Variants in PPARGC1B observed in about 807,000 individuals in gnomAD.
PPARGC1B encodes the protein PPARG coactivator 1 beta, also known as peroxisome proliferator-activated receptor gamma coactivator 1-beta.
Under a neutral mutation model 101.6 loss-of-function variants are expected in PPARGC1B, and 34 were observed. The observed-to-expected ratio is 0.33, with a 90% CI of 0.25 to 0.45. PPARGC1B has a LOEUF of 0.45. Ranked by LOEUF, PPARGC1B falls within the 20% of genes least tolerant of loss-of-function variation. The probability of loss-of-function intolerance (pLI) is 1.00; values close to 1 mark genes in which losing one functional copy is unlikely to be tolerated. For synonymous variants in PPARGC1B, 548 were observed against 539.3 expected (o/e 1.02, Z -0.22); for missense variants, 1,234 against 1,317.6 (o/e 0.94, Z 0.98).
chr5:149,826,947 G>T (rs1163451916), intron 3 of PPARGC1B, 62 bp downstream of exon 3: 5 of 1,318,278 alleles, frequency 3.8e-6, no homozygotes, highest in Non-Finnish European at 5.4e-6. Flanking sequence ...CTGGTTCAGG[G>T]CATGGGGTGC....
At chr5:149,820,702 T>C in intron 2 of PPARGC1B, 96 bp downstream of exon 2, 1 of 1,255,720 alleles carries the variant, frequency 8.0e-7, no homozygotes, top group Non-Finnish European at 1.1e-6. Context: ...CTGCACTTGC[T>C]CATGCAGAGA....
At chr5:149,819,890 C>T (rs1452198098) in intron 1 of PPARGC1B, among the ~76,000 whole-genome samples, 1 of 152,172 alleles carries the variant, frequency 6.6e-6, no homozygotes, top group African/African-American at 2.4e-5. Flanking sequence ...TTATGTTCAT[C>T]ATATATGTTC....
intron 4 of PPARGC1B, among the ~76,000 whole-genome samples, chr5:149,831,780 C>T (rs1003564934): frequency 2.0e-5 from 3 of 152,176 alleles, no homozygotes; most frequent in African/African-American, 4.8e-5. Flanking sequence ...TGTGGACAAG[C>T]GGGGCGAATA....
intron 6 of PPARGC1B, among the ~76,000 whole-genome samples, 179 bp downstream of exon 6, chr5:149,834,889 T>C (rs1318468502): frequency 7.2e-5 from 11 of 152,216 alleles, no homozygotes; most frequent in Non-Finnish European, 1.2e-4. Context: ...AGTTGGTGTT[T>C]AGAAACTGAC....
intron 1 of PPARGC1B, among the ~76,000 whole-genome samples, chr5:149,758,085 G>A (rs1367682698): frequency 2.6e-5 from 4 of 152,214 alleles, no homozygotes; most frequent in African/African-American, 4.8e-5. Context: ...CACACAGAGC[G>A]CTGTCTGTGG....
chr5:149,783,010 G>A (rs1756647861), intron 1 of PPARGC1B, among the ~76,000 whole-genome samples: 1 of 152,160 alleles, frequency 6.6e-6, no homozygotes, highest in African/African-American at 2.4e-5. Context: ...TAGGAATGCA[G>A]GGTGCTTATG....
intron 1 of PPARGC1B, among the ~76,000 whole-genome samples, chr5:149,798,398 C>T (rs1386007672): frequency 6.6e-6 from 1 of 152,188 alleles, no homozygotes; most frequent in Non-Finnish European, 1.5e-5. Flanking sequence ...AGTTAAATGA[C>T]TTGACTTTAT....
rs924000196 is a variant in PPARGC1B at position 149,832,371 on chromosome 5, G to A, written c.583-285G>A. Among the ~76,000 whole-genome samples, 2 of 152,150 alleles carry A rather than the reference G, an allele frequency of 1.3e-5. No homozygotes were observed. The highest frequency in any genetic ancestry group is 2.4e-5 in the African/African-American group (1 of 41,416). ...GCTGAGGGGTACGGAGCAGGGAGGC[G>A]GAATGGTCAGAGTGGGGCTTTGTCA... On this transcript the variant is annotated intron_variant, in intron 4 of 11. Coordinates refer to ENST00000309241, the MANE Select transcript of PPARGC1B (RefSeq NM_133263.4). This position sits in a 1 kb window ranked among gnomAD's most constrained non-coding sequence, Gnocchi z 4.9.
At chr5:149,733,417 T>C (rs1043541439) in intron 1 of PPARGC1B, among the ~76,000 whole-genome samples, 5 of 152,244 alleles carry the variant, frequency 3.3e-5, no homozygotes, top group Non-Finnish European at 7.3e-5. Context: ...CCTTCTCCTC[T>C]ACTAGGCTCT....
chr5:149,749,707 T>A (rs539821627), intron 1 of PPARGC1B, among the ~76,000 whole-genome samples: 18 of 152,194 alleles, frequency 1.2e-4, no homozygotes, highest in Admixed American at 5.9e-4. Flanking sequence ...GTACCTGGAG[T>A]CTGGAGGGAG....
At chr5:149,732,014 G>A (rs1393560934) in intron 1 of PPARGC1B, among the ~76,000 whole-genome samples, 1 of 151,800 alleles carries the variant, frequency 6.6e-6, no homozygotes, top group Non-Finnish European at 1.5e-5. Context: ...CGAGATCGAG[G>A]GGAATGTGTG....
intron 1 of PPARGC1B, among the ~76,000 whole-genome samples, chr5:149,781,331 G>A (rs767003555): frequency 7.9e-5 from 12 of 152,296 alleles, no homozygotes; most frequent in Non-Finnish European, 1.6e-4. Context: ...TGACAGGTTG[G>A]CTGTCCTTTG....
rs1402894502 is a variant in PPARGC1B at position 149,833,716 on chromosome 5, C to T, written c.1643C>T (p.Pro548Leu). The change falls in exon 5 of 12, where the codon CCC (proline) becomes CTC (leucine). Residue 548 changes from proline to leucine, a missense_variant. Physicochemically the swap from Pro to Leu is moderately conservative, Grantham distance 98. Coordinates refer to ENST00000309241, the MANE Select transcript of PPARGC1B (RefSeq NM_133263.4). This position sits in a 1 kb window ranked among gnomAD's most constrained non-coding sequence, Gnocchi z 4.1. Reference sequence around the variant, plus strand: ...CCCCAGATCCCTGCCCTGGAGAGCCCCTGTGAGAGTGGGTGTGGGGACATG... The same window carrying T: ...CCCCAGATCCCTGCCCTGGAGAGCCTCTGTGAGAGTGGGTGTGGGGACATG... Reference protein sequence around the residue: ...RGPQIPALESPCESGCGDMDE... With the variant: ...RGPQIPALESLCESGCGDMDE... 6.2e-7 allele frequency: 1 copy of T among 1,601,130 alleles called. No individual in the cohort carries two copies. Among genetic ancestry groups the T allele is most frequent in the Admixed American group, 1.7e-5 (1 of 59,308 alleles).
At chr5:149,776,599 G>T (rs930991612) in intron 1 of PPARGC1B, among the ~76,000 whole-genome samples, 1 of 152,166 alleles carries the variant, frequency 6.6e-6, no homozygotes, top group Non-Finnish European at 1.5e-5. Flanking sequence ...GTAGGTGGTT[G>T]CTGGTTTGAT....
intron 1 of PPARGC1B, among the ~76,000 whole-genome samples, chr5:149,768,042 A>G (rs936526795): frequency 2.6e-5 from 4 of 151,698 alleles, no homozygotes; most frequent in Non-Finnish European, 5.9e-5. Context: ...AGTGACACCC[A>G]AAGTGGGTTG....
chr5:149,825,745 A>C (rs1758491959), intron 2 of PPARGC1B, among the ~76,000 whole-genome samples: 1 of 152,188 alleles, frequency 6.6e-6, no homozygotes, highest in Admixed American at 6.5e-5. Context: ...AGCGTCCAGC[A>C]TGAAGCCAGG....
chr5:149,738,902 A>C (rs1465741788), intron 1 of PPARGC1B, among the ~76,000 whole-genome samples: 1 of 152,208 alleles, frequency 6.6e-6, no homozygotes, highest in Non-Finnish European at 1.5e-5. Context: ...GCCTCTAGAA[A>C]GCCTTTGAAG....
intron 1 of PPARGC1B, among the ~76,000 whole-genome samples, chr5:149,797,170 G>A (rs1757254332): frequency 6.6e-6 from 1 of 152,176 alleles, no homozygotes; most frequent in Admixed American, 6.5e-5. Flanking sequence ...TTCCAGCCCT[G>A]GTGTGTCTGG....
chr5:149,826,358 C>G (rs941897456), intron 2 of PPARGC1B, among the ~76,000 whole-genome samples: 30 of 152,162 alleles, frequency 2.0e-4, no homozygotes, highest in African/African-American at 6.8e-4. Flanking sequence ...CTCAGGTGGA[C>G]AGCCCTGTGC....
Sources: allele counts gnomAD v4.1 joint callset (sites outside exome capture counted in the v4.1 genomes callset), GRCh38; gene constraint gnomAD v4.1.1; non-coding constraint Gnocchi (gnomAD v3.1); transcripts MANE v1.5; gene names NCBI Gene and HGNC (gene_info 2026-07-23, HGNC 2026-07-21).